NFXL1: variants seen among roughly 807,000 people sequenced by gnomAD.
NFXL1 encodes NF-X1-type zinc finger protein NFXL1.
NFXL1 carries 66 observed loss-of-function variants against 123.3 expected under a neutral mutation model. The observed-to-expected ratio is 0.54, with a 90% CI of 0.44 to 0.66. NFXL1 has a LOEUF of 0.66. Ranked by LOEUF, NFXL1 falls within the 30% of genes least tolerant of loss-of-function variation. NFXL1 has a pLI of 0.00. For missense variants in NFXL1, 944 were observed against 1,125.6 expected, an observed-to-expected ratio of 0.84 and a Z score of 2.31; for synonymous variants, 346 against 360.8, an observed-to-expected ratio of 0.96 and a Z score of 0.46.
chr4:47,872,392 G>A lies in NFXL1; in HGVS notation c.2246+2735C>T, dbSNP rs1375373499. On this transcript the variant is annotated intron_variant, in intron 18 of 22. Transcript: ENST00000507489. ...CAGGAGAATTGCTTGAACCCAGGAG[G>A]CAGAGATTGCAGTGAGCCAAGATCG... Among the ~76,000 whole-genome samples, 4 of 151,538 alleles carry A rather than the reference G, an allele frequency of 2.6e-5. No individual in the cohort carries two copies. The East Asian group carries it at 5.8e-4, about 22-fold the overall frequency.
intron 18 of NFXL1, among the ~76,000 whole-genome samples, chr4:47,864,345 C>T (rs1005994730): frequency 6.6e-6 from 1 of 152,072 alleles, no homozygotes; most frequent in South Asian, 2.1e-4. Flanking sequence ...CTCCCACAGC[C>T]CCTGTTATTT....
rs1390918054 is a variant in NFXL1 at position 47,886,196 on chromosome 4, ATAAAG to A, written c.1544-202_1544-198del. Among the ~76,000 whole-genome samples, 26 of 152,340 alleles carry A rather than the reference ATAAAG, an allele frequency of 1.7e-4. No individual in the cohort carries two copies. The East Asian group carries it at 3.3e-3, about 19-fold the overall frequency. On this transcript the variant is annotated intron_variant, in intron 12 of 22. Coordinates refer to ENST00000507489, the MANE Select transcript of NFXL1 (RefSeq NM_001278624.2). The stretch of plus-strand genomic sequence containing the variant: ...GTACATAGTGCATGATTCCATTTAT[ATAAAG>A]TAAACAAGAAAAAATGTACTGTTCA...
At chr4:47,872,391 G>A (rs768746443) in intron 18 of NFXL1, among the ~76,000 whole-genome samples, 1 of 151,102 alleles carries the variant, frequency 6.6e-6, no homozygotes, top group Non-Finnish European at 1.5e-5. Flanking sequence ...GAACCCAGGA[G>A]GCAGAGATTG....
chr4:47,854,358 A>G (rs561084480), intron 20 of NFXL1, among the ~76,000 whole-genome samples: 1 of 152,272 alleles, frequency 6.6e-6, no homozygotes, highest in East Asian at 1.9e-4. Context: ...TCAGAGGTCA[A>G]AAAAGTTGGT....
chr4:47,907,797 A>G (rs1433189276), intron 3 of NFXL1, among the ~76,000 whole-genome samples: 1 of 152,228 alleles, frequency 6.6e-6, no homozygotes, highest in Non-Finnish European at 1.5e-5. Flanking sequence ...TGCATTTTCT[A>G]TTTTAAAATA....
Position 47,879,129 on chromosome 4 carries a change from A to G in NFXL1, c.1917-12T>C. The G allele has an allele frequency of 8.2e-7, 1 of 1,224,082 alleles. No homozygotes were observed. Among genetic ancestry groups the G allele is most frequent in the Non-Finnish European group, 1.1e-6 (1 of 893,186 alleles). 75.8% of individuals were successfully genotyped at this position (1,224,082 alleles called of 1,614,324 possible). Reference sequence around the variant, plus strand: ...TCCCAAGACATTCCCTACAAGGAAAAAATAAAATAAAATGAAAACATTACA... The same window carrying G: ...TCCCAAGACATTCCCTACAAGGAAAGAATAAAATAAAATGAAAACATTACA... On this transcript the variant is annotated splice_polypyrimidine_tract_variant and intron_variant, in intron 15 of 22. Transcript: ENST00000507489.
At chr4:47,887,818 A>G (rs1333994917) in intron 12 of NFXL1, among the ~76,000 whole-genome samples, 1 of 152,156 alleles carries the variant, frequency 6.6e-6, no homozygotes, top group Non-Finnish European at 1.5e-5. Flanking sequence ...CTACTGACCA[A>G]CAGAATTTAT....
intron 12 of NFXL1, among the ~76,000 whole-genome samples, chr4:47,890,339 T>C (rs1264238160): frequency 2.0e-5 from 3 of 152,138 alleles, no homozygotes; most frequent in African/African-American, 7.2e-5. Flanking sequence ...TATGGTGTTA[T>C]AGAAAGGACA....
chr4:47,903,757 A>G (rs1299514740), intron 4 of NFXL1, among the ~76,000 whole-genome samples: 1 of 152,172 alleles, frequency 6.6e-6, no homozygotes, highest in African/African-American at 2.4e-5. Context: ...AAATAACACT[A>G]CAAAAGAATC....
At chr4:47,862,694 G>T (rs1734836622) in intron 19 of NFXL1, 152 bp downstream of exon 19, 1 of 645,590 alleles carries the variant, frequency 1.5e-6, no homozygotes, top group South Asian at 1.9e-5. Flanking sequence ...TTTATAAAAT[G>T]AGATGCATCT....
rs773278526 is a variant in NFXL1 at position 47,875,178 on chromosome 4, A to G, written c.2195T>C (p.Met732Thr). The G allele has an allele frequency of 1.2e-6, 2 of 1,612,748 alleles. No individual in the cohort carries two copies. Among genetic ancestry groups the G allele is most frequent in the Non-Finnish European group, 1.7e-6 (2 of 1,178,794 alleles). The change falls in exon 18 of 23, where the codon ATG becomes ACG. Residue 732 changes from methionine (M) to threonine (T), a missense_variant. Physicochemically the swap from Met to Thr is moderately conservative, Grantham distance 81. Transcript: ENST00000507489. Reference protein sequence around the residue: ...HPGECPPCVQMLRIKCHCKIT... With the variant: ...HPGECPPCVQTLRIKCHCKIT... ...CTTACAGTGACATTTTATTCTAAGC[A>G]TCTGAACACAAGGTGGACATTCTCC... is the stretch of plus-strand genomic sequence containing the variant.
chr4:47,914,333 C>T, intron 1 of NFXL1, 32 bp downstream of exon 1: 2 of 735,132 alleles, frequency 2.7e-6, no homozygotes, highest in Non-Finnish European at 4.3e-6. Flanking sequence ...GGGCGGCGAC[C>T]GGGTTTTAGG....
intron 1 of NFXL1, 65 bp from the exon 2 acceptor site, chr4:47,914,270 G>T: frequency 7.8e-7 from 1 of 1,277,518 alleles, no homozygotes; most frequent in South Asian, 1.6e-5. Context: ...CGAGGCGAAG[G>T]AGGGTCAGTG....
At chr4:47,851,482 GAATT>G (rs1402185544) in intron 21 of NFXL1, among the ~76,000 whole-genome samples, 2 of 151,930 alleles carry the variant, frequency 1.3e-5, no homozygotes, top group African/African-American at 4.8e-5. Flanking sequence ...TAAGAATCTA[GAATT>G]AATTATTAAA....
intron 19 of NFXL1, among the ~76,000 whole-genome samples, chr4:47,859,601 G>T (rs1225818925): frequency 6.6e-6 from 1 of 152,040 alleles, no homozygotes; most frequent in Admixed American, 6.5e-5. Context: ...CCAGCACTTT[G>T]GGAGGCCAAT....
chr4:47,874,462 C>T (rs1339464495), intron 18 of NFXL1, among the ~76,000 whole-genome samples: 3 of 152,166 alleles, frequency 2.0e-5, no homozygotes, highest in Non-Finnish European at 4.4e-5. Flanking sequence ...GATAGGGGAA[C>T]TGCTAGTGAT....
chr4:47,849,444 T>C (rs1462916308), intron 22 of NFXL1, among the ~76,000 whole-genome samples: 1 of 152,084 alleles, frequency 6.6e-6, no homozygotes, highest in Non-Finnish European at 1.5e-5. Context: ...ACCTAAAACT[T>C]TGTAAATGGT....
In NFXL1 at chr4:47,847,793, A is replaced by AT; in HGVS notation, c.*369dup. Reference sequence around the variant, plus strand: ...ATAAGTAACCAAAACATTAAGAAATATTTCTCTTACTGCAGATATGGCTCA... The same window carrying AT: ...ATAAGTAACCAAAACATTAAGAAATATTTTCTCTTACTGCAGATATGGCTCA... On this transcript the variant is annotated 3_prime_UTR_variant, in exon 23 of 23. Transcript: ENST00000507489. The AT allele has an allele frequency of 6.4e-6, 1 of 157,042 alleles. No individual in the cohort carries two copies. Among genetic ancestry groups the AT allele is most frequent in the Admixed American group, 6.5e-5 (1 of 15,428 alleles). The allele number at this position is 157,042 out of a possible 1,614,324, so 9.7% of individuals were successfully genotyped here.
intron 18 of NFXL1, among the ~76,000 whole-genome samples, chr4:47,866,176 T>G (rs1430585599): frequency 2.6e-5 from 4 of 151,748 alleles, no homozygotes; most frequent in Non-Finnish European, 5.9e-5. Context: ...AAGATTCAAG[T>G]AGCCAATCTT....
Sources: allele counts gnomAD v4.1 joint callset (sites outside exome capture counted in the v4.1 genomes callset), GRCh38; gene constraint gnomAD v4.1.1; transcripts MANE v1.5; gene names NCBI Gene and HGNC (gene_info 2026-07-23, HGNC 2026-07-21).